Variants in PCDHGA6 observed in about 807,000 individuals in gnomAD.
PCDHGA6 encodes protocadherin gamma-A6.
In PCDHGA6, 41 loss-of-function variants were observed where a neutral mutation model predicts 60.6. The observed-to-expected ratio is 0.68, with a 90% CI of 0.53 to 0.88. The LOEUF is 0.88. PCDHGA6 is among the 40% of genes least tolerant of loss of function. The pLI is 0.00. For synonymous variants in PCDHGA6, 594 were observed against 524.4 expected (o/e 1.13, Z -1.81); for missense variants, 1,312 against 1,203.0 (o/e 1.09, Z -1.34).
rs2154594676 is a variant in PCDHGA6, at chr5:141,511,333, G to A, written c.*160G>A. 6.9e-7 allele frequency: 1 copy of A among 1,441,948 alleles called. No homozygotes were observed. Among genetic ancestry groups the A allele is most frequent in the Non-Finnish European group, 9.2e-7 (1 of 1,085,894 alleles). The allele number at this position is 1,441,948 out of a possible 1,614,324, so 89.3% of individuals were successfully genotyped here. On this transcript the variant is annotated 3_prime_UTR_variant, in exon 4 of 4. Transcript: ENST00000517434. Reference sequence around the variant, plus strand: ...GGAAACAGAAACAAGTGCCCAGTCAGCACCTACCCCTTCCCCCCCAGGGGG... The same window carrying A: ...GGAAACAGAAACAAGTGCCCAGTCAACACCTACCCCTTCCCCCCCAGGGGG...
rs777535962 is a variant in PCDHGA6, at chr5:141,431,195, G to T, written c.2424+54688G>T. The T allele has an allele frequency of 1.2e-6, 2 of 1,614,166 alleles. No homozygotes were observed. Among genetic ancestry groups the T allele is most frequent in the East Asian group, 2.2e-5 (1 of 44,890 alleles). On this transcript the variant is annotated intron_variant, in intron 1 of 3. Transcript: ENST00000517434. The surrounding 1 kb of genome is among the most constrained non-coding windows in gnomAD (Gnocchi z 4.8). ...ATTAGAAATAAAAATTAGTGAAAAT[G>T]CAGCCACTGAGATGCGGTTCCCTCT... is the stretch of plus-strand genomic sequence containing the variant.
intron 1 of PCDHGA6, chr5:141,418,372 A>G (rs771262387): frequency 3.1e-6 from 5 of 1,613,968 alleles, no homozygotes; most frequent in Non-Finnish European, 3.4e-6. Context: ...GCAAATACCA[A>G]CTAAGTCCTA....
chr5:141,399,996 C>A (rs753801667), intron 1 of PCDHGA6: 5 of 1,612,402 alleles, frequency 3.1e-6, no homozygotes, highest in Non-Finnish European at 4.2e-6. Flanking sequence ...GAGAGGTGCG[C>A]ACAGCGCGTG....
At chr5:141,423,936 G>A (rs2096792092) in intron 1 of PCDHGA6, 1 of 1,225,102 alleles carries the variant, frequency 8.2e-7, no homozygotes. Context: ...TTGGTTTGAA[G>A]TAAGTTGAAT....
intron 1 of PCDHGA6, among the ~76,000 whole-genome samples, chr5:141,469,103 C>G (rs949254605): frequency 6.6e-6 from 1 of 151,844 alleles, no homozygotes; most frequent in Non-Finnish European, 1.5e-5. Flanking sequence ...AAAGCAAGAA[C>G]CTGTCTCTAA....
intron 1 of PCDHGA6, chr5:141,492,073 G>C (rs2099736846): frequency 6.2e-6 from 3 of 480,898 alleles, no homozygotes; most frequent in Non-Finnish European, 1.1e-5. Flanking sequence ...CCTAGGCGCC[G>C]GCTCCGGCAC....
At chr5:141,379,424 G>T (rs1775590923) in intron 1 of PCDHGA6, 1 of 152,218 alleles carries the variant, frequency 6.6e-6, no homozygotes, top group East Asian at 1.9e-4. Flanking sequence ...TCATGAGTTA[G>T]ATGGGCTGTT....
chr5:141,463,266 T>G (rs933899476), intron 1 of PCDHGA6, among the ~76,000 whole-genome samples: 16 of 151,982 alleles, frequency 1.1e-4, no homozygotes, highest in African/African-American at 3.6e-4. Context: ...CTCTATCCCA[T>G]AAATTCTGGC....
chr5:141,434,992 C>A (rs2097735368), intron 1 of PCDHGA6, among the ~76,000 whole-genome samples: 1 of 151,902 alleles, frequency 6.6e-6, no homozygotes, highest in Non-Finnish European at 1.5e-5. Context: ...ATATCATTTT[C>A]TAGCTGAATT....
chr5:141,455,616 A>G (rs2154565146), intron 1 of PCDHGA6, among the ~76,000 whole-genome samples: 1 of 152,244 alleles, frequency 6.6e-6, no homozygotes, highest in South Asian at 2.1e-4. Flanking sequence ...GGATGTTCTA[A>G]ACACGTGGAG....
intron 1 of PCDHGA6, chr5:141,389,993 G>T: frequency 6.2e-7 from 1 of 1,614,016 alleles, no homozygotes; most frequent in Non-Finnish European, 8.5e-7. Flanking sequence ...TCTTCCTCGT[G>T]GCCATGATTC....
rs374655655 is a variant in PCDHGA6, at chr5:141,431,023, C to A, written c.2424+54516C>A. 1 of 1,613,748 alleles carries A rather than the reference C, an allele frequency of 6.2e-7. No homozygotes were observed. The highest frequency in any genetic ancestry group is 2.2e-5 in the East Asian group (1 of 44,862). On this transcript the variant is annotated intron_variant, in intron 1 of 3. Coordinates refer to ENST00000517434, the MANE Select transcript of PCDHGA6 (RefSeq NM_018919.3). The surrounding 1 kb of genome is among the most constrained non-coding windows in gnomAD (Gnocchi z 4.8). ...GCAGCGGCAGCTTGGTCACGGCGGG[C>A]AGGATAGACCGGGAGGAGCTCTGTA...
At chr5:141,409,723 G>T (rs781363259) in intron 1 of PCDHGA6, 1 of 1,613,154 alleles carries the variant, frequency 6.2e-7, no homozygotes, top group Non-Finnish European at 8.5e-7. Flanking sequence ...ACGTGTCAGT[G>T]AGCGCGCAGA....
chr5:141,401,815 C>G (rs1217081146), intron 1 of PCDHGA6, among the ~76,000 whole-genome samples: 1 of 152,184 alleles, frequency 6.6e-6, no homozygotes, highest in Non-Finnish European at 1.5e-5. Flanking sequence ...GGGTTCCTTA[C>G]AAAGTGCTGA....
rs540129406 is a variant in PCDHGA6, at chr5:141,375,373, A to G, written c.1290A>G (p.Pro430=). The change falls in exon 1 of 4, where the codon CCA becomes CCG. Residue 430 remains proline, a synonymous_variant. Transcript: ENST00000517434. ...TGACAGCCACGGACAAAGGAACACC[A>G]CCTCTGTCTACAGAAACAATCATCT... ...ITVTATDKGT[P]PLSTETIISL... The G allele has an allele frequency of 7.0e-5, 113 of 1,613,776 alleles. No individual in the cohort carries two copies. Among genetic ancestry groups the G allele is most frequent in the Non-Finnish European group, 3.2e-5 (38 of 1,179,924 alleles).
chr5:141,397,491 A>G (rs1462298713), intron 1 of PCDHGA6, among the ~76,000 whole-genome samples: 1 of 152,230 alleles, frequency 6.6e-6, no homozygotes, highest in Non-Finnish European at 1.5e-5. Flanking sequence ...AAATGAACAG[A>G]AGAATGATAA....
At chr5:141,394,399 A>C in intron 1 of PCDHGA6, 3 of 1,614,206 alleles carry the variant, frequency 1.9e-6, no homozygotes, top group Non-Finnish European at 2.5e-6. Context: ...CGAGACCTGC[A>C]GCTACTGGTA....
At chr5:141,484,315 C>T (rs1172379949) in intron 1 of PCDHGA6, among the ~76,000 whole-genome samples, 2 of 152,326 alleles carry the variant, frequency 1.3e-5, no homozygotes, top group African/African-American at 4.8e-5. Context: ...ACCCCGCTTC[C>T]ATACTGTCCT....
At chr5:141,503,598 C>CAAA (rs765754054) in intron 2 of PCDHGA6, among the ~76,000 whole-genome samples, 1 of 65,748 alleles carries the variant, frequency 1.5e-5, no homozygotes. Context: ...GACTCCAGCT[C>CAAA]AAAAAAAAAA....
Sources: allele counts gnomAD v4.1 joint callset (sites outside exome capture counted in the v4.1 genomes callset), GRCh38; gene constraint gnomAD v4.1.1; non-coding constraint Gnocchi (gnomAD v3.1); transcripts MANE v1.5; gene names NCBI Gene and HGNC (gene_info 2026-07-23, HGNC 2026-07-21).